The following DLGAP2 variants were observed in gnomAD, a reference collection of about 807,000 sequenced individuals.
The protein encoded by DLGAP2 is DLG associated protein 2.
Under a neutral mutation model 100.3 loss-of-function variants are expected in DLGAP2, and 26 were observed. The observed-to-expected ratio is 0.26, with a 90% CI of 0.19 to 0.36. The LOEUF (loss-of-function observed/expected upper bound fraction) is 0.36, where lower values mean the gene tolerates loss of function less well. DLGAP2 is among the 10% of genes least tolerant of loss of function. The pLI, the probability that DLGAP2 is intolerant of heterozygous loss-of-function variation, is 1.00. For missense variants in DLGAP2, 1,858 were observed against 1,453.2 expected (o/e 1.28, Z -4.53); for synonymous variants, 886 against 630.1 (o/e 1.41, Z -6.08).
chr8:1,040,162 G>A (rs115413920), intron 2 of DLGAP2, among the ~76,000 whole-genome samples: 2,323 of 139,202 alleles, frequency 0.017, 105 homozygotes, highest in African/African-American at 0.061. Flanking sequence ...TCGGCTCGGT[G>A]TGTGTTGTCA....
At chr8:845,154 T>A (rs1164105406) in intron 1 of DLGAP2, among the ~76,000 whole-genome samples, 1 of 152,234 alleles carries the variant, frequency 6.6e-6, no homozygotes, top group Non-Finnish European at 1.5e-5. Flanking sequence ...CGTGAACATA[T>A]GTCTTTATTT....
intron 2 of DLGAP2, among the ~76,000 whole-genome samples, chr8:1,179,572 T>C (rs1797336780): frequency 6.6e-6 from 1 of 152,276 alleles, no homozygotes; most frequent in Admixed American, 6.5e-5. Flanking sequence ...GTGGAATTAA[T>C]TTGGCACTGT....
intron 2 of DLGAP2, among the ~76,000 whole-genome samples, chr8:1,025,162 G>T (rs182987718): frequency 1.3e-5 from 2 of 152,032 alleles, no homozygotes; most frequent in African/African-American, 4.8e-5. Context: ...GTGCGCACGT[G>T]TGTGTGTCTT....
intron 2 of DLGAP2, among the ~76,000 whole-genome samples, chr8:1,000,358 C>T (rs1424782675): frequency 1.4e-5 from 2 of 146,354 alleles, no homozygotes; most frequent in Non-Finnish European, 3.0e-5. Flanking sequence ...TTCTTTCGCA[C>T]TGGATTTTCT....
intron 1 of DLGAP2, among the ~76,000 whole-genome samples, chr8:829,205 C>G (rs1333654966): frequency 6.6e-6 from 1 of 152,168 alleles, no homozygotes; most frequent in African/African-American, 2.4e-5. Context: ...AATCCAGTTT[C>G]TAATGTTACA....
At chr8:1,615,364 G>C (rs1178594692) in intron 6 of DLGAP2, among the ~76,000 whole-genome samples, 2 of 152,122 alleles carry the variant, frequency 1.3e-5, no homozygotes, top group Non-Finnish European at 2.9e-5. Context: ...GCAGGTGCCG[G>C]GGTCTCTGCC....
intron 2 of DLGAP2, among the ~76,000 whole-genome samples, chr8:1,020,067 AT>A (rs1467729959): frequency 6.6e-6 from 1 of 152,256 alleles, no homozygotes; most frequent in African/African-American, 2.4e-5. Context: ...TTAAAATTTG[AT>A]GGCCATTAAA....
chr8:1,222,296 G>A (rs1004599723), intron 2 of DLGAP2, among the ~76,000 whole-genome samples: 1 of 152,130 alleles, frequency 6.6e-6, no homozygotes, highest in African/African-American at 2.4e-5. Flanking sequence ...GTTTGACTGT[G>A]GTATAAGCTG....
chr8:1,419,563 C>T (rs530089997), intron 3 of DLGAP2, among the ~76,000 whole-genome samples: 1 of 151,802 alleles, frequency 6.6e-6, no homozygotes, highest in African/African-American at 2.4e-5. Flanking sequence ...CATGTTGATA[C>T]GTGTACATAA....
chr8:1,102,146 C>A (rs1481309336), intron 2 of DLGAP2, among the ~76,000 whole-genome samples: 1 of 149,496 alleles, frequency 6.7e-6, no homozygotes, highest in East Asian at 1.9e-4. Flanking sequence ...TTAGTAAAAG[C>A]TTAATATATA....
At chr8:938,933 G>A (rs1174966841) in intron 2 of DLGAP2, among the ~76,000 whole-genome samples, 3 of 152,250 alleles carry the variant, frequency 2.0e-5, no homozygotes. Context: ...CAAGGTATGA[G>A]GTGAAGGGCA....
Position 1,413,569 on chromosome 8 carries a change from G to C in DLGAP2, c.107-87797G>C, listed in dbSNP as rs1279467836. 4.6e-5 allele frequency among the ~76,000 whole-genome samples: 7 copies of C among 152,216 alleles called. 1 individual carries two copies. Among genetic ancestry groups the C allele is most frequent in the Non-Finnish European group, 8.8e-5 (6 of 68,034 alleles). On this transcript the variant is annotated intron_variant, in intron 3 of 14. Coordinates refer to ENST00000637795, the MANE Select transcript of DLGAP2 (RefSeq NM_001346810.2). Reference sequence around the variant, plus strand: ...GAAAAAATGTTTTGTCACAGAAAAAGTATTGCCTTAAAGTCCAGAAACATG... The same window carrying C: ...GAAAAAATGTTTTGTCACAGAAAAACTATTGCCTTAAAGTCCAGAAACATG...
chr8:1,260,052 G>T (rs1026776262), intron 3 of DLGAP2, among the ~76,000 whole-genome samples: 1 of 152,126 alleles, frequency 6.6e-6, no homozygotes, highest in African/African-American at 2.4e-5. Context: ...ATGTTTTACA[G>T]TCAGGTGGGT....
At chr8:1,685,866 C>T (rs145566652) in intron 12 of DLGAP2, among the ~76,000 whole-genome samples, 2,022 of 152,220 alleles carry the variant, frequency 0.013, 24 homozygotes, top group Non-Finnish European at 0.021. Context: ...AAATCAAAAC[C>T]ACGATGAGAT....
chr8:1,481,276 C>T (rs1257929063), intron 3 of DLGAP2, among the ~76,000 whole-genome samples: 1 of 152,046 alleles, frequency 6.6e-6, no homozygotes, highest in Non-Finnish European at 1.5e-5. Flanking sequence ...CTACATGATC[C>T]ATGTACAAGG....
intron 2 of DLGAP2, among the ~76,000 whole-genome samples, chr8:1,152,650 C>G (rs1796716415): frequency 6.6e-6 from 1 of 152,116 alleles, no homozygotes; most frequent in African/African-American, 2.4e-5. Flanking sequence ...CCTGCAGGGC[C>G]TCCTAGGATG....
intron 1 of DLGAP2, among the ~76,000 whole-genome samples, chr8:783,732 G>C (rs79426343): frequency 3.9e-5 from 6 of 152,178 alleles, no homozygotes; most frequent in African/African-American, 9.7e-5. Flanking sequence ...TTATGAAAGA[G>C]GGAAAAGGTG....
intron 3 of DLGAP2, among the ~76,000 whole-genome samples, chr8:1,465,179 A>G (rs1798590049): frequency 6.6e-6 from 1 of 152,256 alleles, no homozygotes; most frequent in African/African-American, 2.4e-5. Context: ...CACAAGCTCC[A>G]GGAGCTTCTA....
intron 3 of DLGAP2, among the ~76,000 whole-genome samples, chr8:1,435,607 A>G (rs1472510503): frequency 1.3e-5 from 2 of 151,994 alleles, no homozygotes; most frequent in Non-Finnish European, 2.9e-5. Context: ...GGGATACTGT[A>G]CGTTTCATTA....
Sources: gnomAD v4.1 joint callset for allele counts (sites outside exome capture counted in the v4.1 genomes callset) on GRCh38, gnomAD v4.1.1 for gene constraint, MANE v1.5 for transcripts, NCBI Gene and HGNC (gene_info 2026-07-23, HGNC 2026-07-21) for gene names.